The following ARL5A variants were observed in gnomAD, a reference collection of about 807,000 sequenced individuals.
The protein encoded by ARL5A is ADP-ribosylation factor-like protein 5A.
A neutral mutation model predicts 25.9 loss-of-function variants in ARL5A; 18 were observed. The ratio of observed to expected loss-of-function variants is 0.69; its 90% CI spans 0.48 to 1.03. The LOEUF is 1.03. Ranked by LOEUF, ARL5A falls within the 50% of genes least tolerant of loss-of-function variation. The pLI, the probability that ARL5A is intolerant of heterozygous loss-of-function variation, is 0.00. For synonymous variants in ARL5A, 61 were observed against 67.5 expected (o/e 0.90, Z 0.47); for missense variants, 170 against 211.9 (o/e 0.80, Z 1.23).
chr2:151,828,329 G>A lies in ARL5A; in HGVS notation c.-153C>T, dbSNP rs2099833382. Reference sequence around the variant, plus strand: ...CCCGCTTCCAGGGAACCGGAGGGAGGCCGAAGCCCAGGCCGCCCTGCCGCG... The same window carrying A: ...CCCGCTTCCAGGGAACCGGAGGGAGACCGAAGCCCAGGCCGCCCTGCCGCG... On this transcript the variant is annotated 5_prime_UTR_variant, in exon 1 of 6. Coordinates refer to ENST00000295087, the MANE Select transcript of ARL5A (RefSeq NM_012097.4). The A allele has an allele frequency of 3.2e-6, 2 of 634,622 alleles. No homozygotes were observed. Among genetic ancestry groups the A allele is most frequent in the African/African-American group, 2.0e-5 (1 of 50,762 alleles). The allele number at this position is 634,622 out of a possible 1,614,324, so 39.3% of individuals were successfully genotyped here.
At chr2:151,808,942 G>A (rs1157876301) in intron 4 of ARL5A, among the ~76,000 whole-genome samples, 1 of 152,160 alleles carries the variant, frequency 6.6e-6, no homozygotes, top group African/African-American at 2.4e-5. Context: ...CAGCTACTTG[G>A]GAGGCTGAGG....
Position 151,827,027 on chromosome 2 carries a change from A to C in ARL5A, c.46+1104T>G, listed in dbSNP as rs143376578. 2.5e-4 allele frequency among the ~76,000 whole-genome samples: 38 copies of C among 152,294 alleles called. 1 individual carries two copies. The highest frequency in any genetic ancestry group is 8.7e-4 in the African/African-American group (36 of 41,552). ...TCTTAAAAGAGCAGCTAGATCATGA[A>C]GGAGGAGGTGGTAGTAGTAGGTGTA... On this transcript the variant is annotated intron_variant, in intron 1 of 5. Transcript: ENST00000295087.
intron 1 of ARL5A, among the ~76,000 whole-genome samples, chr2:151,826,476 T>C (rs1437612886): frequency 6.6e-6 from 1 of 152,218 alleles, no homozygotes; most frequent in African/African-American, 2.4e-5. Flanking sequence ...CAGAAACAAA[T>C]AATTTTATCA....
intron 3 of ARL5A, 152 bp from the exon 4 acceptor site, chr2:151,812,592 C>T: frequency 2.1e-6 from 1 of 475,312 alleles, no homozygotes; most frequent in Admixed American, 3.9e-5. Context: ...CATTGTGAAG[C>T]CAAAAGGTCT....
intron 4 of ARL5A, among the ~76,000 whole-genome samples, chr2:151,808,435 T>C (rs1578372945): frequency 2.8e-5 from 4 of 142,516 alleles, no homozygotes; most frequent in Non-Finnish European, 6.1e-5. Context: ...TATTTGTATT[T>C]CTTATTTGGT....
rs571443527 is a variant in ARL5A, at chr2:151,801,761, A to G, written c.*1515T>C. The stretch of plus-strand genomic sequence containing the variant: ...CCTCACCAAAATCTTCATGAAATTT[A>G]AAAGGCTGATATTGAAGGTAGTTTT... On this transcript the variant is annotated 3_prime_UTR_variant, in exon 6 of 6. Coordinates refer to ENST00000295087, the MANE Select transcript of ARL5A (RefSeq NM_012097.4). The G allele has an allele frequency of 6.6e-6, 1 of 152,270 alleles. No homozygotes were observed. The highest frequency in any genetic ancestry group is 2.1e-4 in the South Asian group (1 of 4,830). The allele number at this position is 152,270 out of a possible 1,614,324, so 9.4% of individuals were successfully genotyped here. A position where few individuals can be genotyped will look rare whatever the true frequency, so the allele number is the denominator to read the frequency against.
intron 4 of ARL5A, among the ~76,000 whole-genome samples, chr2:151,807,936 C>T (rs138957110): frequency 1.2e-3 from 187 of 152,268 alleles, no homozygotes; most frequent in African/African-American, 4.1e-3. Context: ...TAATGTTTTA[C>T]TCACTAAACA....
rs1411820085 is a variant in ARL5A, at chr2:151,799,495, A to G, written c.*3781T>C. 1 of 152,250 alleles carries G rather than the reference A, an allele frequency of 6.6e-6. No homozygotes were observed. The highest frequency in any genetic ancestry group is 1.9e-4 in the East Asian group (1 of 5,206). 9.4% of individuals were successfully genotyped at this position (152,250 alleles called of 1,614,324 possible). On this transcript the variant is annotated 3_prime_UTR_variant, in exon 6 of 6. Coordinates refer to ENST00000295087, the MANE Select transcript of ARL5A (RefSeq NM_012097.4). ...CATAACCATTCTTGGTAGTGGGAAGATAATACACATAAAACTTAATCCTGC... is the reference window on the plus strand; with the variant it reads ...CATAACCATTCTTGGTAGTGGGAAGGTAATACACATAAAACTTAATCCTGC...
intron 1 of ARL5A, among the ~76,000 whole-genome samples, chr2:151,816,530 G>A (rs2099831531): frequency 6.6e-6 from 1 of 152,088 alleles, no homozygotes; most frequent in South Asian, 2.1e-4. Context: ...AGATATTAAT[G>A]GCATTATATG....
At chr2:151,814,536 C>A (rs900962137) in intron 2 of ARL5A, among the ~76,000 whole-genome samples, 2 of 151,906 alleles carry the variant, frequency 1.3e-5, no homozygotes, top group African/African-American at 4.8e-5. Context: ...TTTATAGTTT[C>A]TACTTTATAG....
At chr2:151,808,978 G>A (rs1265764794) in intron 4 of ARL5A, among the ~76,000 whole-genome samples, 1 of 152,178 alleles carries the variant, frequency 6.6e-6, no homozygotes, top group Non-Finnish European at 1.5e-5. Context: ...AACCCAAGAG[G>A]TGGAGGTTGC....
intron 1 of ARL5A, among the ~76,000 whole-genome samples, chr2:151,822,378 A>C (rs2099832456): frequency 6.6e-6 from 1 of 152,224 alleles, no homozygotes; most frequent in Non-Finnish European, 1.5e-5. Context: ...TGAGAACTAT[A>C]AAATTAAGAC....
rs1454408183 is a variant in ARL5A, at chr2:151,800,753, T to C, written c.*2523A>G. The C allele has an allele frequency of 6.6e-6, 1 of 152,382 alleles. No homozygotes were observed. The highest frequency in any genetic ancestry group is 1.9e-4 in the East Asian group (1 of 5,200). The allele number at this position is 152,382 out of a possible 1,614,324, so 9.4% of individuals were successfully genotyped here. A position where few individuals can be genotyped will look rare whatever the true frequency, so the allele number is the denominator to read the frequency against. The stretch of plus-strand genomic sequence containing the variant: ...AACATATTCAAATGCTTATAGCATA[T>C]GGTTACTTTTGCCCAGATATCAAAA... On this transcript the variant is annotated 3_prime_UTR_variant, in exon 6 of 6. Coordinates refer to ENST00000295087, the MANE Select transcript of ARL5A (RefSeq NM_012097.4).
Position 151,828,378 on chromosome 2 carries a change from G to C in ARL5A, c.-202C>G. The C allele has an allele frequency of 4.4e-6, 2 of 456,416 alleles. No individual in the cohort carries two copies. The highest frequency in any genetic ancestry group is 7.7e-5 in the South Asian group (2 of 25,932). 28.3% of individuals were successfully genotyped at this position (456,416 alleles called of 1,614,324 possible). Reference sequence around the variant, plus strand: ...CGCGCAAGGCCCCGCCGCTGCCGCCGCGGCACTCGCCTGGCTCGCGGACAT... The same window carrying C: ...CGCGCAAGGCCCCGCCGCTGCCGCCCCGGCACTCGCCTGGCTCGCGGACAT... On this transcript the variant is annotated 5_prime_UTR_variant, in exon 1 of 6. Transcript: ENST00000295087.
chr2:151,824,742 T>TGTGC (rs1172633677), intron 1 of ARL5A, among the ~76,000 whole-genome samples: 2 of 152,206 alleles, frequency 1.3e-5, no homozygotes, highest in African/African-American at 4.8e-5. Context: ...TGTGTGCAAA[T>TGTGC]GTGCGTGCGT....
rs898208002 is a variant in ARL5A, at chr2:151,803,704, T to A, written c.492-380A>T. Reference sequence around the variant, plus strand: ...TCTGTGCTCTTTTGGTTCAGTTATATCTCTAGCACCCAGAACGCTGTCTGA... The same window carrying A: ...TCTGTGCTCTTTTGGTTCAGTTATAACTCTAGCACCCAGAACGCTGTCTGA... On this transcript the variant is annotated intron_variant, in intron 5 of 5. Transcript: ENST00000295087. Among the ~76,000 whole-genome samples the A allele has an allele frequency of 1.3e-5, 2 of 152,176 alleles. 1 individual carries two copies. Among genetic ancestry groups the A allele is most frequent in the African/African-American group, 4.8e-5 (2 of 41,442 alleles).
chr2:151,799,709 T>G lies in ARL5A; in HGVS notation c.*3567A>C, dbSNP rs2099829162. ...CTGGTCTTCTGATGGACTCCACATC[T>G]CTGATAATGCTCTCTAATGAGCAAA... On this transcript the variant is annotated 3_prime_UTR_variant, in exon 6 of 6. Transcript: ENST00000295087. 6.6e-6 allele frequency: 1 copy of G among 152,212 alleles called. No homozygotes were observed. The highest frequency in any genetic ancestry group is 2.4e-5 in the African/African-American group (1 of 41,454). 9.4% of individuals were successfully genotyped at this position (152,212 alleles called of 1,614,324 possible).
intron 1 of ARL5A, among the ~76,000 whole-genome samples, chr2:151,817,806 G>C (rs1253014235): frequency 1.3e-5 from 2 of 152,168 alleles, no homozygotes; most frequent in African/African-American, 2.4e-5. Flanking sequence ...AGGAGTTCAA[G>C]ACCAACATGA....
At chr2:151,822,045 T>G (rs886100564) in intron 1 of ARL5A, among the ~76,000 whole-genome samples, 1 of 152,122 alleles carries the variant, frequency 6.6e-6, no homozygotes, top group Non-Finnish European at 1.5e-5. Context: ...AGACAGGATT[T>G]CACCATATTG....
Sources: allele counts gnomAD v4.1 joint callset (sites outside exome capture counted in the v4.1 genomes callset), GRCh38; gene constraint gnomAD v4.1.1; transcripts MANE v1.5; gene names NCBI Gene and HGNC (gene_info 2026-07-23, HGNC 2026-07-21).